The following BAZ1B variants were observed in gnomAD, a reference collection of about 807,000 sequenced individuals.
The protein encoded by BAZ1B is bromodomain adjacent to zinc finger domain 1B.
Under a neutral mutation model 153.8 loss-of-function variants are expected in BAZ1B, and 22 were observed. The ratio of observed to expected loss-of-function variants is 0.14; its 90% confidence interval spans 0.10 to 0.20. The LOEUF (loss-of-function observed/expected upper bound fraction) is 0.20, where lower values mean the gene tolerates loss of function less well. Among genes scored for constraint, BAZ1B ranks in the 10% least tolerant of loss-of-function variants. BAZ1B has a pLI of 1.00. For synonymous variants in BAZ1B, 676 were observed against 633.4 expected, an observed-to-expected ratio of 1.07 and a Z score of -1.01; for missense variants, 1,325 against 1,799.3, an observed-to-expected ratio of 0.74 and a Z score of 4.77.
intron 16 of BAZ1B, among the ~76,000 whole-genome samples, chr7:73,445,028 AACACAC>A (rs10557903): frequency 2.1e-4 from 31 of 148,488 alleles, no homozygotes; most frequent in Admixed American, 9.4e-4. Context: ...AAAGAAAAAA[AACACAC>A]ACACACACAC....
intron 3 of BAZ1B, among the ~76,000 whole-genome samples, chr7:73,501,039 C>CT (rs1790110360): frequency 6.6e-6 from 1 of 152,058 alleles, no homozygotes; most frequent in South Asian, 2.1e-4. Flanking sequence ...GGCGGATCAC[C>CT]TGAGGTCGGG....
intron 1 of BAZ1B, among the ~76,000 whole-genome samples, chr7:73,519,174 C>T (rs1790931032): frequency 6.6e-6 from 1 of 152,152 alleles, no homozygotes; most frequent in African/African-American, 2.4e-5. Context: ...AACATACCAA[C>T]ATACAGCTTT....
chr7:73,449,728 C>T (rs782606104), intron 14 of BAZ1B, 39 bp from the exon 15 acceptor site: 157 of 1,603,382 alleles, frequency 9.8e-5, no homozygotes, highest in Non-Finnish European at 1.1e-4. Context: ...GTTGGGAGCA[C>T]AGCAGCAGTC....
intron 11 of BAZ1B, among the ~76,000 whole-genome samples, chr7:73,464,381 A>G (rs1461024147): frequency 1.3e-5 from 2 of 152,214 alleles, no homozygotes; most frequent in African/African-American, 4.8e-5. Context: ...AAATTCACCA[A>G]CTTGAAGCAT....
chr7:73,481,498 C>G (rs1167945860), intron 6 of BAZ1B, among the ~76,000 whole-genome samples: 4 of 126,854 alleles, frequency 3.2e-5, no homozygotes, highest in African/African-American at 1.2e-4. Flanking sequence ...GCCTGGGGAA[C>G]AGAGCGAGAC....
At chr7:73,496,302 G>C (rs1434129274) in intron 4 of BAZ1B, among the ~76,000 whole-genome samples, 1 of 152,146 alleles carries the variant, frequency 6.6e-6, no homozygotes, top group African/African-American at 2.4e-5. Flanking sequence ...CAATACAGGA[G>C]AAAACAAACT....
intron 4 of BAZ1B, among the ~76,000 whole-genome samples, chr7:73,497,065 C>CAAAAAAAAA (rs1156829240): frequency 4.0e-4 from 20 of 49,510 alleles, no homozygotes; most frequent in African/African-American, 1.4e-3. Flanking sequence ...CTGACCTCTA[C>CAAAAAAAAA]AAAAAAAAAA....
In BAZ1B at chr7:73,495,094, G is replaced by A. The variant is rs188321116; in HGVS notation, c.572-2173C>T. On this transcript the variant is annotated intron_variant, in intron 4 of 19. Transcript: ENST00000339594. ...AGGTCCAGAGTTCGAGACCAGCCTG[G>A]CCAGCATGGTGAAACCCCGTCTCTA... Among the ~76,000 whole-genome samples, 447 of 152,272 alleles carry A rather than the reference G, an allele frequency of 2.9e-3. 1 individual carries two copies. Among genetic ancestry groups the A allele is most frequent in the Non-Finnish European group, 3.7e-3 (252 of 68,028 alleles).
intron 12 of BAZ1B, 96 bp downstream of exon 12, chr7:73,462,826 A>G (rs1788439413): frequency 3.0e-6 from 4 of 1,320,294 alleles, no homozygotes; most frequent in Non-Finnish European, 4.3e-6. Flanking sequence ...TCTGATTTCC[A>G]GGAGGGTCAT....
At chr7:73,486,985 G>C (rs1554574565) in intron 6 of BAZ1B, among the ~76,000 whole-genome samples, 6 of 152,170 alleles carry the variant, frequency 3.9e-5, no homozygotes, top group Non-Finnish European at 8.8e-5. Context: ...TAGGAAATAA[G>C]AAATTATTGT....
Position 73,442,781 on chromosome 7 carries a change from C to A in BAZ1B, c.4038G>T (p.Gln1346His). Residue 1346 changes from glutamine to histidine, a missense_variant, in exon 18 of 20, where the codon CAG becomes CAT. This residue lies in a region of BAZ1B where 271 missense variants were observed against 337.2 expected (regional missense o/e 0.80). Coordinates refer to ENST00000339594, the MANE Select transcript of BAZ1B (RefSeq NM_032408.4). ...RSSRRQSLELQKCEEILHKIV... is the reference protein window; with the variant it reads ...RSSRRQSLELHKCEEILHKIV... ...TCTTGTGGAGGATCTCTTCACACTT[C>A]TGCAGCTCCAGGCTTTGCCTCCGGG... The A allele has an allele frequency of 6.2e-7, 1 of 1,614,208 alleles. No individual in the cohort carries two copies. Among genetic ancestry groups the A allele is most frequent in the Non-Finnish European group, 8.5e-7 (1 of 1,180,020 alleles).
intron 16 of BAZ1B, among the ~76,000 whole-genome samples, chr7:73,446,546 CA>C (rs1175189600): frequency 0.07 from 2,904 of 41,558 alleles, 64 homozygotes; most frequent in African/African-American, 0.2. Context: ...GAGACCATCT[CA>C]AAAAAAAAAA....
intron 3 of BAZ1B, among the ~76,000 whole-genome samples, chr7:73,506,619 A>ACTTC (rs1790353187): frequency 6.6e-6 from 1 of 151,808 alleles, no homozygotes; most frequent in Admixed American, 6.6e-5. Flanking sequence ...TGGGAGGCTG[A>ACTTC]AGTAGGCATA....
At chr7:73,487,546 T>TAA (rs1249826165) in intron 6 of BAZ1B, among the ~76,000 whole-genome samples, 4 of 152,128 alleles carry the variant, frequency 2.6e-5, no homozygotes, top group African/African-American at 9.7e-5. Context: ...CTAAAATACA[T>TAA]AAAACAGAGC....
chr7:73,459,243 T>A (rs1788309244), intron 13 of BAZ1B, among the ~76,000 whole-genome samples: 1 of 145,214 alleles, frequency 6.9e-6, no homozygotes. Flanking sequence ...CGAGACTCCA[T>A]CTCAAAAAAA....
intron 6 of BAZ1B, among the ~76,000 whole-genome samples, chr7:73,479,908 A>G (rs1356313747): frequency 2.0e-5 from 3 of 152,022 alleles, no homozygotes; most frequent in Non-Finnish European, 2.9e-5. Context: ...GGAGGCTCAC[A>G]CCTGTAATCC....
chr7:73,468,871 G>A (rs1223812410), intron 9 of BAZ1B, among the ~76,000 whole-genome samples: 1 of 152,192 alleles, frequency 6.6e-6, no homozygotes, highest in African/African-American at 2.4e-5. Flanking sequence ...GCTCACACTT[G>A]TAATCCCCAG....
intron 6 of BAZ1B, among the ~76,000 whole-genome samples, chr7:73,486,212 C>T (rs1238869990): frequency 2.0e-5 from 3 of 152,214 alleles, no homozygotes; most frequent in African/African-American, 4.8e-5. Context: ...AAACCACAAA[C>T]ACACCCTCAT....
intron 16 of BAZ1B, among the ~76,000 whole-genome samples, chr7:73,446,244 G>C (rs1383132060): frequency 6.6e-6 from 1 of 152,146 alleles, no homozygotes; most frequent in African/African-American, 2.4e-5. Flanking sequence ...TGCTTCAAAA[G>C]CTCATTAGAA....
Sources: allele counts gnomAD v4.1 joint callset (sites outside exome capture counted in the v4.1 genomes callset), GRCh38; gene constraint gnomAD v4.1.1; regional missense constraint gnomAD v4.1.1; transcripts MANE v1.5; gene names NCBI Gene and HGNC (gene_info 2026-07-23, HGNC 2026-07-21).